The following THSD7B variants were observed in gnomAD, a reference collection of about 807,000 sequenced individuals.
The protein encoded by THSD7B is thrombospondin type-1 domain-containing protein 7B.
THSD7B carries 138 observed loss-of-function variants against 213.6 expected under a neutral mutation model. The ratio of observed to expected loss-of-function variants is 0.65; its 90% CI spans 0.56 to 0.74. The LOEUF (loss-of-function observed/expected upper bound fraction) is 0.74, where lower values mean the gene tolerates loss of function less well. THSD7B is among the 30% of genes least tolerant of loss of function. The pLI is 0.00. For synonymous variants in THSD7B, 742 were observed against 687.0 expected (o/e 1.08, Z -1.25); for missense variants, 1,931 against 1,991.5 (o/e 0.97, Z 0.58).
At chr2:137,312,517 T>C (rs1683944145) in intron 12 of THSD7B, among the ~76,000 whole-genome samples, 1 of 151,284 alleles carries the variant, frequency 6.6e-6, no homozygotes, top group Non-Finnish European at 1.5e-5. Flanking sequence ...TCAGTTCTGC[T>C]CTGATTTTAG....
intron 26 of THSD7B, among the ~76,000 whole-genome samples, chr2:137,665,652 G>A (rs1683431511): frequency 1.3e-5 from 2 of 151,932 alleles, no homozygotes; most frequent in African/African-American, 4.8e-5. Context: ...AACTCATCAT[G>A]CAGTTATATG....
chr2:137,219,356 C>G (rs1681317560), intron 7 of THSD7B, among the ~76,000 whole-genome samples: 1 of 152,088 alleles, frequency 6.6e-6, no homozygotes, highest in Admixed American at 6.5e-5. Context: ...TACAAGAATT[C>G]TTAGATGTTG....
At chr2:137,581,741 C>T (rs1381370039) in intron 17 of THSD7B, among the ~76,000 whole-genome samples, 19 of 140,304 alleles carry the variant, frequency 1.4e-4, no homozygotes, top group Non-Finnish European at 1.5e-5. Flanking sequence ...GCCTGGGCGA[C>T]AGAGCGAGAC....
intron 17 of THSD7B, among the ~76,000 whole-genome samples, chr2:137,594,269 T>C (rs1267794775): frequency 6.6e-6 from 1 of 151,996 alleles, no homozygotes; most frequent in Admixed American, 6.6e-5. Flanking sequence ...GGTTGGGGAT[T>C]AAATCTTCCA....
intron 12 of THSD7B, among the ~76,000 whole-genome samples, chr2:137,358,110 T>C (rs903043133): frequency 2.0e-5 from 3 of 152,218 alleles, no homozygotes; most frequent in African/African-American, 7.2e-5. Flanking sequence ...AAACTTGACA[T>C]GCTGCCTCTT....
chr2:137,634,354 T>G (rs2104854955), intron 20 of THSD7B, among the ~76,000 whole-genome samples: 1 of 152,294 alleles, frequency 6.6e-6, no homozygotes, highest in Non-Finnish European at 1.5e-5. Context: ...TGCTGGAAGC[T>G]CAAAGTTACT....
chr2:136,922,971 G>A lies in THSD7B; in HGVS notation c.139+40654G>A, dbSNP rs200681552. Among the ~76,000 whole-genome samples, 15 of 152,174 alleles carry A rather than the reference G, an allele frequency of 9.9e-5. No individual in the cohort carries two copies. In the South Asian group the frequency reaches 2.1e-3, roughly 21 times the overall value. On this transcript the variant is annotated intron_variant, in intron 2 of 27. Coordinates refer to ENST00000409968, the MANE Select transcript of THSD7B (RefSeq NM_001316349.2). ...AGTGTCTTTTTTTATTGTGGCAAAA[G>A]GTATCATTAATTTACTATCTTAACT...
chr2:137,545,855 C>T (rs1206458825), intron 15 of THSD7B, among the ~76,000 whole-genome samples: 1 of 151,828 alleles, frequency 6.6e-6, no homozygotes, highest in Non-Finnish European at 1.5e-5. Flanking sequence ...GTGAGCCTTG[C>T]TCCCTTATGC....
chr2:136,894,576 C>G (rs1449814371), intron 2 of THSD7B, among the ~76,000 whole-genome samples: 1 of 152,146 alleles, frequency 6.6e-6, no homozygotes, highest in Non-Finnish European at 1.5e-5. Context: ...TTTCTATACT[C>G]AAAGTACATA....
intron 10 of THSD7B, 43 bp downstream of exon 10, chr2:137,242,615 A>C (rs1276044139): frequency 6.9e-7 from 1 of 1,451,318 alleles, no homozygotes; most frequent in Non-Finnish European, 9.6e-7. Flanking sequence ...CCCTAACCTG[A>C]TTGTTTCTCC....
At chr2:137,473,448 TCCGCCCGC>T (rs1688131778) in intron 15 of THSD7B, among the ~76,000 whole-genome samples, 1 of 152,066 alleles carries the variant, frequency 6.6e-6, no homozygotes, top group Non-Finnish European at 1.5e-5. Flanking sequence ...GACCTCATGA[TCCGCCCGC>T]CTCGGCCTCC....
intron 4 of THSD7B, among the ~76,000 whole-genome samples, chr2:137,101,931 G>A (rs1028732252): frequency 7.2e-5 from 11 of 152,242 alleles, no homozygotes; most frequent in African/African-American, 2.7e-4. Flanking sequence ...CTAGGACAGA[G>A]CACCTGGGGG....
chr2:137,200,624 A>G (rs1008257278), intron 7 of THSD7B, among the ~76,000 whole-genome samples: 12 of 152,006 alleles, frequency 7.9e-5, no homozygotes. Context: ...GCCCCATCCC[A>G]GTCACACATA....
intron 12 of THSD7B, among the ~76,000 whole-genome samples, chr2:137,329,422 G>A (rs75522401): frequency 0.066 from 10,070 of 152,116 alleles, 374 homozygotes; most frequent in African/African-American, 0.092. Context: ...GTGGAGTGAG[G>A]TGGCATGATC....
intron 2 of THSD7B, among the ~76,000 whole-genome samples, chr2:136,905,614 T>C (rs773580895): frequency 5.9e-5 from 9 of 152,240 alleles, no homozygotes; most frequent in Admixed American, 3.9e-4. Flanking sequence ...TTGGTGCTTA[T>C]TCTCTTCACT....
Position 137,283,739 on chromosome 2 carries a change from G to A in THSD7B, c.2500+7713G>A, listed in dbSNP as rs1295999812. Among the ~76,000 whole-genome samples the A allele has an allele frequency of 3.3e-5, 5 of 152,112 alleles. No homozygotes were observed. In the East Asian group the frequency reaches 9.6e-4, roughly 29 times the overall value. On this transcript the variant is annotated intron_variant, in intron 12 of 27. Transcript: ENST00000409968. ...TATGTTGAACCAGCCTTGCATCCCA[G>A]GAATGAAGCCCACTTGATCATGGTG...
chr2:137,209,804 C>T (rs1290013592), intron 7 of THSD7B, among the ~76,000 whole-genome samples: 1 of 152,068 alleles, frequency 6.6e-6, no homozygotes, highest in Non-Finnish European at 1.5e-5. Context: ...CTGAATTGTG[C>T]TCTCTCAAAA....
chr2:137,394,448 G>A (rs1161653021), intron 12 of THSD7B, among the ~76,000 whole-genome samples: 2 of 138,368 alleles, frequency 1.4e-5, no homozygotes, highest in Admixed American at 7.2e-5. Context: ...TTTTTCTCAG[G>A]TTTGTCAAAG....
At chr2:137,581,796 T>A (rs1341834338) in intron 17 of THSD7B, among the ~76,000 whole-genome samples, 15 of 144,928 alleles carry the variant, frequency 1.0e-4, no homozygotes, top group Admixed American at 8.9e-4. Flanking sequence ...TAATAATAAA[T>A]AATAATAATA....
Sources: gnomAD v4.1 joint callset for allele counts (sites outside exome capture counted in the v4.1 genomes callset) on GRCh38, gnomAD v4.1.1 for gene constraint, MANE v1.5 for transcripts, NCBI Gene and HGNC (gene_info 2026-07-23, HGNC 2026-07-21) for gene names.